The following PLXDC2 variants were observed in gnomAD, a reference collection of about 807,000 sequenced individuals.
PLXDC2 encodes plexin domain containing 2, also known as plexin domain-containing protein 2.
A neutral mutation model predicts 68.9 loss-of-function variants in PLXDC2; 40 were observed. The observed-to-expected ratio is 0.58, with a 90% CI of 0.45 to 0.76. PLXDC2 has a LOEUF of 0.76. Ranked by LOEUF, PLXDC2 falls within the 30% of genes least tolerant of loss-of-function variation. The pLI, the probability that PLXDC2 is intolerant of heterozygous loss-of-function variation, is 0.00. For synonymous variants in PLXDC2, 243 were observed against 234.2 expected, an observed-to-expected ratio of 1.04 and a Z score of -0.34; for missense variants, 644 against 661.9, an observed-to-expected ratio of 0.97 and a Z score of 0.30.
At chr10:20,140,208 G>A (rs1833983959) in intron 4 of PLXDC2, among the ~76,000 whole-genome samples, 2 of 152,188 alleles carry the variant, frequency 1.3e-5, no homozygotes, top group Non-Finnish European at 2.9e-5. Context: ...GCTGAAGCAG[G>A]AGAATGGCTG....
At chr10:20,067,373 T>G (rs747082102) in intron 3 of PLXDC2, among the ~76,000 whole-genome samples, 4 of 152,132 alleles carry the variant, frequency 2.6e-5, no homozygotes, top group Admixed American at 2.6e-4. Context: ...GAGAGCTGAT[T>G]GTATTTGAAA....
intron 13 of PLXDC2, among the ~76,000 whole-genome samples, chr10:20,262,693 T>G (rs1276521785): frequency 6.6e-6 from 1 of 152,266 alleles, no homozygotes; most frequent in African/African-American, 2.4e-5. Context: ...GCCTCTTTGC[T>G]GCCATCTTTA....
At chr10:20,172,688 C>T (rs1834464310) in intron 7 of PLXDC2, among the ~76,000 whole-genome samples, 1 of 152,018 alleles carries the variant, frequency 6.6e-6, no homozygotes, top group African/African-American at 2.4e-5. Context: ...TGGTTTAAGC[C>T]ATTAGGAAAG....
chr10:20,276,404 A>G (rs1314740877), intron 13 of PLXDC2, among the ~76,000 whole-genome samples: 1 of 152,174 alleles, frequency 6.6e-6, no homozygotes, highest in Non-Finnish European at 1.5e-5. Flanking sequence ...TGACTGTTCA[A>G]TTAGTAGTAC....
intron 12 of PLXDC2, among the ~76,000 whole-genome samples, chr10:20,235,320 G>A (rs1409892684): frequency 6.6e-6 from 1 of 152,170 alleles, no homozygotes; most frequent in Non-Finnish European, 1.5e-5. Context: ...TGAGAAGAAT[G>A]AGGGTAGTAA....
At chr10:19,902,591 A>T (rs1308291182) in intron 1 of PLXDC2, among the ~76,000 whole-genome samples, 1 of 152,084 alleles carries the variant, frequency 6.6e-6, no homozygotes, top group East Asian at 1.9e-4. Flanking sequence ...AAGAGCTTTT[A>T]GGGTTTTCTA....
At chr10:20,039,014 C>T (rs916493731) in intron 2 of PLXDC2, among the ~76,000 whole-genome samples, 1 of 152,168 alleles carries the variant, frequency 6.6e-6, no homozygotes, top group African/African-American at 2.4e-5. Context: ...GGAAAGGCCA[C>T]ACTGAAATGA....
chr10:20,220,056 C>T (rs1835189379), intron 12 of PLXDC2, among the ~76,000 whole-genome samples: 1 of 152,142 alleles, frequency 6.6e-6, no homozygotes, highest in Non-Finnish European at 1.5e-5. Flanking sequence ...ATCAATCCAT[C>T]TGAAAGAGAG....
chr10:20,200,778 C>T (rs1057125454), intron 9 of PLXDC2, among the ~76,000 whole-genome samples: 2 of 151,944 alleles, frequency 1.3e-5, no homozygotes, highest in Non-Finnish European at 2.9e-5. Context: ...TTTAAAAATA[C>T]TCAACATCAT....
rs112235504 is a variant in PLXDC2, at chr10:19,900,484, G to A, written c.112+83293G>A. ...CCTCAACTTTAGGTGAGGAAAAAAAGCAAACACTGTGCAGTATTTCTTCAG... is the reference window on the plus strand; with the variant it reads ...CCTCAACTTTAGGTGAGGAAAAAAAACAAACACTGTGCAGTATTTCTTCAG... On this transcript the variant is annotated intron_variant, in intron 1 of 13. Coordinates refer to ENST00000377252, the MANE Select transcript of PLXDC2 (RefSeq NM_032812.9). Among the ~76,000 whole-genome samples, 785 of 152,230 alleles carry A rather than the reference G, an allele frequency of 5.2e-3. 3 individuals are homozygous for A. The highest frequency in any genetic ancestry group is 0.018 in the African/African-American group (733 of 41,554).
At chr10:20,065,598 C>G (rs1836193816) in intron 3 of PLXDC2, among the ~76,000 whole-genome samples, 1 of 152,134 alleles carries the variant, frequency 6.6e-6, no homozygotes, top group African/African-American at 2.4e-5. Context: ...GATTATACAA[C>G]TCACCATAAT....
At position 19,889,652 on chromosome 10, in the gene PLXDC2, T is replaced by C. The variant is rs377259166; in HGVS notation, c.112+72461T>C. On this transcript the variant is annotated intron_variant, in intron 1 of 13. Transcript: ENST00000377252. ...CTTACTGAGGCACCAACTACAAATA[T>C]GTAAAAATAGTACAAAAACCTTGGA... is the stretch of plus-strand genomic sequence containing the variant. Among the ~76,000 whole-genome samples the C allele has an allele frequency of 1.8e-4, 28 of 152,298 alleles. No homozygotes were observed. The South Asian group carries it at 5.4e-3, about 29-fold the overall frequency.
At chr10:20,102,637 A>G (rs1253791963) in intron 4 of PLXDC2, among the ~76,000 whole-genome samples, 1 of 152,210 alleles carries the variant, frequency 6.6e-6, no homozygotes, top group Non-Finnish European at 1.5e-5. Context: ...GGCTTGAGCA[A>G]CTGAGCAAAT....
intron 5 of PLXDC2, among the ~76,000 whole-genome samples, chr10:20,144,459 C>T (rs932115354): frequency 6.6e-6 from 1 of 152,132 alleles, no homozygotes; most frequent in Admixed American, 6.6e-5. Flanking sequence ...TAGACATTCA[C>T]CTTAGGAAAT....
At chr10:20,228,588 AAGGC>A (rs1199204918) in intron 12 of PLXDC2, among the ~76,000 whole-genome samples, 7 of 125,452 alleles carry the variant, frequency 5.6e-5, no homozygotes, top group Non-Finnish European at 1.1e-4. Context: ...AAAAGGCAGG[AAGGC>A]AGGAAGGAAG....
rs534637769 is a variant in PLXDC2 at position 20,110,651 on chromosome 10, G to A, written c.542-32644G>A. 1.1e-3 allele frequency among the ~76,000 whole-genome samples: 166 copies of A among 152,214 alleles called. 7 individuals are homozygous for A. The South Asian group carries it at 0.033, about 30-fold the overall frequency. The stretch of plus-strand genomic sequence containing the variant: ...GCTCTGAACGCCGGTCACTGTCACA[G>A]TCAGCCCCTCCTTGTGCCCCCACAC... On this transcript the variant is annotated intron_variant, in intron 4 of 13. Coordinates refer to ENST00000377252, the MANE Select transcript of PLXDC2 (RefSeq NM_032812.9).
chr10:19,817,078 G>T lies in PLXDC2; in HGVS notation c.-2G>T. ...GTGGGGTAGGGAGGTGGCGGCGGCG[G>T]CATGGCGAGGTTCCCGAAGGCCGAC... On this transcript the variant is annotated 5_prime_UTR_variant, in exon 1 of 14. Transcript: ENST00000377252. 3.3e-6 allele frequency: 5 copies of T among 1,506,288 alleles called. No individual in the cohort carries two copies. The highest frequency in any genetic ancestry group is 4.5e-6 in the Non-Finnish European group (5 of 1,113,538). 93.3% of individuals were successfully genotyped at this position (1,506,288 alleles called of 1,614,324 possible). A position where few individuals can be genotyped will look rare whatever the true frequency, so the allele number is the denominator to read the frequency against.
rs756140245 is a variant in PLXDC2 at position 20,143,317 on chromosome 10, C to T, written c.564C>T (p.Val188=). ...ATGGFIYTGE[V]VHRMLTATQY... is the part of the protein sequence containing the mutation. The stretch of plus-strand genomic sequence containing the variant: ...TAGGTTTCATATACACTGGAGAAGT[C>T]GTACATCGAATGCTAACAGCCACAC... The change falls in exon 5 of 14, where the codon GTC becomes GTT. Residue 188 remains valine, a synonymous_variant. Transcript: ENST00000377252. The T allele has an allele frequency of 9.3e-6, 15 of 1,612,642 alleles. No individual in the cohort carries two copies. In the Middle Eastern group the frequency reaches 6.6e-4, roughly 71 times the overall value.
At chr10:19,992,849 T>C (rs922091407) in intron 1 of PLXDC2, among the ~76,000 whole-genome samples, 1 of 152,254 alleles carries the variant, frequency 6.6e-6, no homozygotes. Context: ...TTTGCTGTTT[T>C]AAATAGCCCA....
Sources: allele counts gnomAD v4.1 joint callset (sites outside exome capture counted in the v4.1 genomes callset), GRCh38; gene constraint gnomAD v4.1.1; transcripts MANE v1.5; gene names NCBI Gene and HGNC (gene_info 2026-07-23, HGNC 2026-07-21).